Variants in PARP16 observed in about 807,000 individuals in gnomAD.
The protein encoded by PARP16 is poly(ADP-ribose) polymerase family member 16, also known as protein mono-ADP-ribosyltransferase PARP16.
In PARP16, 31 loss-of-function variants were observed where a neutral mutation model predicts 35.0. That is an observed-to-expected ratio of 0.88 (90% CI 0.66 to 1.19). PARP16 has a LOEUF of 1.19. Ranked by LOEUF, PARP16 falls within the 50% of genes most tolerant of loss-of-function variation. The pLI is 0.00. For missense variants in PARP16, 424 were observed against 411.2 expected (o/e 1.03, Z -0.27); for synonymous variants, 162 against 169.5 (o/e 0.96, Z 0.34).
At chr15:65,263,048 C>T (rs2089786362) in intron 4 of PARP16, 101 bp downstream of exon 4, 3 of 1,112,998 alleles carry the variant, frequency 2.7e-6, no homozygotes, top group Non-Finnish European at 4.0e-6. Flanking sequence ...CAGCCCAACC[C>T]TTGGGCATGC....
At chr15:65,279,090 AGGGTTCTCCTAGGAAGTAG>A (rs1269851117) in intron 1 of PARP16, among the ~76,000 whole-genome samples, 3 of 152,082 alleles carry the variant, frequency 2.0e-5, no homozygotes, top group African/African-American at 7.2e-5. Context: ...GGGACCCTAA[AGGGTTCTCCTAGGAAGTAG>A]GGGTTCTCCT....
In PARP16 at chr15:65,259,452, G is replaced by T; in HGVS notation, c.924C>A (p.Ile308=). ...AAAAGTGTTGGAAAGCAGAGGAGTTGATGACACTCACTATGAGCAGCAGCA... is the reference window on the plus strand; with the variant it reads ...AAAAGTGTTGGAAAGCAGAGGAGTTTATGACACTCACTATGAGCAGCAGCA... The part of the protein sequence containing the change: ...YLLLLLIVSV[I]NSSAFQHFWN... The change falls in exon 6 of 6, where the codon ATC becomes ATA. Residue 308 remains isoleucine (I), a synonymous_variant. Coordinates refer to ENST00000649807, the MANE Select transcript of PARP16 (RefSeq NM_001316943.2). 1 of 1,614,050 alleles carries T rather than the reference G, an allele frequency of 6.2e-7. No homozygotes were observed. Among genetic ancestry groups the T allele is most frequent in the South Asian group, 1.1e-5 (1 of 91,086 alleles).
At chr15:65,249,047 G>A (rs573802741) in intron 2 of PARP16, among the ~76,000 whole-genome samples, 1 of 152,200 alleles carries the variant, frequency 6.6e-6, no homozygotes, top group Non-Finnish European at 1.5e-5. Context: ...TTAGGAAACC[G>A]CTCAGCCACC....
At chr15:65,237,375 C>A (rs985912105) in intron 3 of PARP16, among the ~76,000 whole-genome samples, 5 of 152,186 alleles carry the variant, frequency 3.3e-5, no homozygotes. Flanking sequence ...GATGTGTCTA[C>A]ATCCTAATTC....
intron 3 of PARP16, 102 bp downstream of exon 3, chr15:65,266,460 C>A (rs972965975): frequency 1.8e-5 from 17 of 949,160 alleles, no homozygotes; most frequent in East Asian, 4.9e-5. Context: ...TAAACCTACC[C>A]GACCCCACCT....
downstream of PARP16, among the ~76,000 whole-genome samples, chr15:65,233,462 G>A (rs2088807624): frequency 6.6e-6 from 1 of 151,742 alleles, no homozygotes; most frequent in African/African-American, 2.4e-5. Context: ...AGAGAAGCCG[G>A]GCACGGTGGC....
downstream of PARP16, among the ~76,000 whole-genome samples, chr15:65,253,361 C>T (rs1028798947): frequency 4.0e-5 from 6 of 150,544 alleles, no homozygotes; most frequent in Admixed American, 4.0e-4. Flanking sequence ...GACGGAGTCT[C>T]GCTCTGTCGC....
chr15:65,285,576 C>G, intron 1 of PARP16: 1 of 328,242 alleles, frequency 3.0e-6, no homozygotes, highest in Non-Finnish European at 6.0e-6. Context: ...TTGACAGGTC[C>G]CAAAGATACA....
chr15:65,277,036 G>A (rs1465022837), intron 1 of PARP16, among the ~76,000 whole-genome samples: 2 of 151,648 alleles, frequency 1.3e-5, no homozygotes, highest in Non-Finnish European at 2.9e-5. Flanking sequence ...TTAACTAGGT[G>A]GCCTATATTT....
chr15:65,286,402 C>A lies in PARP16; in HGVS notation c.25G>T (p.Ala9Ser). The A allele has an allele frequency of 6.5e-7, 1 of 1,545,024 alleles. No individual in the cohort carries two copies. The highest frequency in any genetic ancestry group is 8.7e-7 in the Non-Finnish European group (1 of 1,149,428). The change falls in exon 1 of 6, where the codon GCC (alanine) becomes TCC (serine). Residue 9 changes from alanine (A) to serine (S), a missense_variant. Coordinates refer to ENST00000649807, the MANE Select transcript of PARP16 (RefSeq NM_001316943.2). Reference protein sequence around the residue: MQPSGWAAAREAAGRDMLA... With the variant: MQPSGWAASREAAGRDMLA... Reference sequence around the variant, plus strand: ...ATGTCGCGGCCCGCCGCCTCCCTGGCGGCCGCCCAGCCTGAGGGCTGCATC... The same window carrying A: ...ATGTCGCGGCCCGCCGCCTCCCTGGAGGCCGCCCAGCCTGAGGGCTGCATC...
At position 65,286,398 on chromosome 15, in the gene PARP16, C is replaced by G; in HGVS notation, c.29G>C (p.Arg10Thr). ...CAGCATGTCGCGGCCCGCCGCCTCC[C>G]TGGCGGCCGCCCAGCCTGAGGGCTG... MQPSGWAAA[R>T]EAAGRDMLAA... Residue 10 changes from arginine to threonine, a missense_variant, in exon 1 of 6, where the codon AGG becomes ACG. By Grantham distance (71) the Arg-to-Thr change is moderately conservative (BLOSUM62 -1). Coordinates refer to ENST00000649807, the MANE Select transcript of PARP16 (RefSeq NM_001316943.2). The G allele has an allele frequency of 6.5e-7, 1 of 1,548,928 alleles. No homozygotes were observed. The highest frequency in any genetic ancestry group is 8.7e-7 in the Non-Finnish European group (1 of 1,151,308).
At chr15:65,238,589 A>G (rs2088954828) in intron 3 of PARP16, among the ~76,000 whole-genome samples, 1 of 152,174 alleles carries the variant, frequency 6.6e-6, no homozygotes, top group African/African-American at 2.4e-5. Flanking sequence ...CACTGCCATC[A>G]CTGCAGCCGC....
At chr15:65,244,176 C>T (rs970572830) in intron 3 of PARP16, among the ~76,000 whole-genome samples, 38 of 152,136 alleles carry the variant, frequency 2.5e-4, no homozygotes, top group Non-Finnish European at 4.4e-5. Flanking sequence ...TCTTCCCTGA[C>T]TTTTGTTATA....
intron 3 of PARP16, among the ~76,000 whole-genome samples, chr15:65,244,750 G>T (rs2140748004): frequency 6.6e-6 from 1 of 152,358 alleles, no homozygotes; most frequent in South Asian, 2.1e-4. Flanking sequence ...AGTGTTCAAT[G>T]ACTATTTGTT....
At position 65,251,702 on chromosome 15, in the gene PARP16, C is replaced by T. The variant is rs376984054; in HGVS notation, c.203-3474G>A. On this transcript the variant is annotated intron_variant and NMD_transcript_variant, in intron 2 of 3. Transcript: ENST00000559805. ...ATATCAAAATGAGATACTATTATCT[C>T]AAAACTCGTGGCTCATTTTGATGAG... Among the ~76,000 whole-genome samples, 7 of 151,578 alleles carry T rather than the reference C, an allele frequency of 4.6e-5. No individual in the cohort carries two copies. The South Asian group carries it at 1.5e-3, about 32-fold the overall frequency.
At chr15:65,237,711 G>A (rs2088924798) in intron 3 of PARP16, among the ~76,000 whole-genome samples, 1 of 152,192 alleles carries the variant, frequency 6.6e-6, no homozygotes, top group Non-Finnish European at 1.5e-5. Flanking sequence ...CTTGATTTTG[G>A]CCCAGTGGTC....
rs777371459 is a variant in PARP16 at position 65,286,125 on chromosome 15, C to G, written c.174+128G>C. Reference sequence around the variant, plus strand: ...AAACCTTCCCCAAGGCAAGGCAAGACCAAGCTGGGAATGGAAAGTCTGGCG... The same window carrying G: ...AAACCTTCCCCAAGGCAAGGCAAGAGCAAGCTGGGAATGGAAAGTCTGGCG... On this transcript the variant is annotated intron_variant, in intron 1 of 5. Transcript: ENST00000649807. 4.1e-5 allele frequency: 32 copies of G among 771,130 alleles called. No homozygotes were observed. The Admixed American group carries it at 6.1e-4, about 15-fold the overall frequency. 47.8% of individuals were successfully genotyped at this position (771,130 alleles called of 1,614,324 possible).
At chr15:65,276,733 C>A (rs2140947468) in intron 1 of PARP16, among the ~76,000 whole-genome samples, 1 of 152,176 alleles carries the variant, frequency 6.6e-6, no homozygotes, top group Admixed American at 6.5e-5. Flanking sequence ...AAAATCCCAG[C>A]ACTTTGGGAG....
intron 5 of PARP16, among the ~76,000 whole-genome samples, chr15:65,260,367 C>T (rs956207014): frequency 6.6e-6 from 1 of 152,176 alleles, no homozygotes. Flanking sequence ...ACTAGGCATC[C>T]ACCAAAGCTG....
Sources: gnomAD v4.1 joint callset for allele counts (sites outside exome capture counted in the v4.1 genomes callset) on GRCh38, gnomAD v4.1.1 for gene constraint, MANE v1.5 for transcripts, NCBI Gene and HGNC (gene_info 2026-07-23, HGNC 2026-07-21) for gene names.